The following PCDHGA4 variants were observed in gnomAD, a reference collection of about 807,000 sequenced individuals.
The protein encoded by PCDHGA4 is protocadherin gamma-A4.
Under a neutral mutation model 54.6 loss-of-function variants are expected in PCDHGA4, and 38 were observed. That is an observed-to-expected ratio of 0.70 (90% CI 0.54 to 0.91). The LOEUF (loss-of-function observed/expected upper bound fraction) is 0.91, where lower values mean the gene tolerates loss of function less well. Ranked by LOEUF, PCDHGA4 falls within the 40% of genes least tolerant of loss-of-function variation. The pLI is 0.00. For synonymous variants in PCDHGA4, 511 were observed against 512.9 expected, an observed-to-expected ratio of 1.00 and a Z score of 0.05; for missense variants, 1,298 against 1,220.9, an observed-to-expected ratio of 1.06 and a Z score of -0.94.
chr5:141,453,746 T>C (rs1345046460), intron 1 of PCDHGA4, among the ~76,000 whole-genome samples: 1 of 152,254 alleles, frequency 6.6e-6, no homozygotes, highest in Non-Finnish European at 1.5e-5. Flanking sequence ...TTAAATAACA[T>C]AAGTCTCCTA....
intron 3 of PCDHGA4, among the ~76,000 whole-genome samples, chr5:141,510,166 A>G (rs1280391099): frequency 6.6e-6 from 1 of 151,872 alleles, no homozygotes; most frequent in African/African-American, 2.4e-5. Flanking sequence ...TCAGCTACTC[A>G]GGAGGTTGAG....
chr5:141,455,401 A>G (rs1252870027), intron 1 of PCDHGA4, among the ~76,000 whole-genome samples: 1 of 152,158 alleles, frequency 6.6e-6, no homozygotes, highest in Non-Finnish European at 1.5e-5. Context: ...TCCCCCTTAC[A>G]GAGACAGAGG....
chr5:141,366,073 C>A (rs766163319), intron 1 of PCDHGA4: 1 of 1,614,234 alleles, frequency 6.2e-7, no homozygotes, highest in South Asian at 1.1e-5. Flanking sequence ...CGCCTCGCTC[C>A]GCAGAACCTG....
rs373882091 is a variant in PCDHGA4 at position 141,432,369 on chromosome 5, A to T, written c.2515-62438A>T. 1.2e-6 allele frequency: 2 copies of T among 1,614,104 alleles called. No homozygotes were observed. Among genetic ancestry groups the T allele is most frequent in the African/African-American group, 2.7e-5 (2 of 74,938 alleles). On this transcript the variant is annotated intron_variant, in intron 1 of 3. Transcript: ENST00000571252. The surrounding 1 kb of genome is among the most constrained non-coding windows in gnomAD (Gnocchi z 6.0). Reference sequence around the variant, plus strand: ...CAAGTGAAAGTGATGGCGCGGGACAACGGGCACCCGCCCCTCAGCAGCAAC... The same window carrying T: ...CAAGTGAAAGTGATGGCGCGGGACATCGGGCACCCGCCCCTCAGCAGCAAC...
chr5:141,394,643 G>T, intron 1 of PCDHGA4: 1 of 1,613,492 alleles, frequency 6.2e-7, no homozygotes, highest in Non-Finnish European at 8.5e-7. Flanking sequence ...GCCTGCTCAA[G>T]GCCAGCGAGC....
intron 1 of PCDHGA4, chr5:141,405,447 T>C (rs2094668355): frequency 7.5e-7 from 1 of 1,339,134 alleles, no homozygotes; most frequent in South Asian, 1.3e-5. Flanking sequence ...TGAGACAGAG[T>C]CTTACTCTGT....
chr5:141,356,448 A>G lies in PCDHGA4; in HGVS notation c.1341A>G (p.Ser447=). The G allele has an allele frequency of 6.2e-7, 1 of 1,612,888 alleles. No homozygotes were observed. The highest frequency in any genetic ancestry group is 8.5e-7 in the Non-Finnish European group (1 of 1,179,266). ...THRTLDREEV[S]EYNITVTATD... ...GAACACTGGACAGGGAAGAAGTCTC[A>G]GAATATAACATCACTGTAACTGCCA... The change falls in exon 1 of 4, where the codon TCA becomes TCG. Residue 447 remains serine (S), a synonymous_variant. Coordinates refer to ENST00000571252, the MANE Select transcript of PCDHGA4 (RefSeq NM_018917.4).
chr5:141,497,986 G>T (rs1404550601), intron 2 of PCDHGA4, among the ~76,000 whole-genome samples: 1 of 152,176 alleles, frequency 6.6e-6, no homozygotes, highest in Non-Finnish European at 1.5e-5. Context: ...GGAGGCCCCT[G>T]CCCTCAAGGA....
intron 2 of PCDHGA4, among the ~76,000 whole-genome samples, chr5:141,502,989 G>A (rs140974023): frequency 0.024 from 3,652 of 150,590 alleles, 56 homozygotes; most frequent in East Asian, 0.043. Context: ...GATTACAGGC[G>A]TGTGCCACCA....
chr5:141,417,969 T>G, intron 1 of PCDHGA4: 1 of 1,613,768 alleles, frequency 6.2e-7, no homozygotes, highest in Non-Finnish European at 8.5e-7. Flanking sequence ...CGCTACTCGA[T>G]TCCGGAGGAG....
At chr5:141,461,981 G>A (rs755173695) in intron 1 of PCDHGA4, among the ~76,000 whole-genome samples, 4 of 152,078 alleles carry the variant, frequency 2.6e-5, no homozygotes, top group Non-Finnish European at 5.9e-5. Context: ...ATGCCACCAC[G>A]CCAGGCTAAT....
At chr5:141,452,000 A>G (rs2098730428) in intron 1 of PCDHGA4, among the ~76,000 whole-genome samples, 1 of 152,198 alleles carries the variant, frequency 6.6e-6, no homozygotes, top group Admixed American at 6.5e-5. Flanking sequence ...AAGCAAAATC[A>G]CTTGGTCCAG....
Position 141,405,029 on chromosome 5 carries a change from C to G in PCDHGA4, c.2514+47408C>G, listed in dbSNP as rs565871444. 16 of 1,613,976 alleles carry G rather than the reference C, an allele frequency of 9.9e-6. No individual in the cohort carries two copies. The Admixed American group carries it at 1.0e-4, about 10-fold the overall frequency. On this transcript the variant is annotated intron_variant, in intron 1 of 3. Coordinates refer to ENST00000571252, the MANE Select transcript of PCDHGA4 (RefSeq NM_018917.4). ...GGAGGCCTCAGACCTTACCCTCTAC[C>G]TCGTTGTGGCTGTGGCAGTCGTCTC...
At chr5:141,414,334 AC>A (rs1187631098) in intron 1 of PCDHGA4, 2 of 1,613,782 alleles carry the variant, frequency 1.2e-6, no homozygotes, top group South Asian at 2.2e-5. Context: ...TGGACAGGTA[AC>A]CTGTTCCATT....
At chr5:141,434,830 C>A (rs7703679) in intron 1 of PCDHGA4, among the ~76,000 whole-genome samples, 45,467 of 151,546 alleles carry the variant, frequency 0.3, 8,050 homozygotes, top group African/African-American at 0.5. Flanking sequence ...GTACACTTGG[C>A]ATTTATAAAG....
chr5:141,421,125 C>G, intron 1 of PCDHGA4: 1 of 804,210 alleles, frequency 1.2e-6, no homozygotes, highest in Admixed American at 3.0e-5. Flanking sequence ...CCTTCGCTTT[C>G]TGATATATTT....
chr5:141,468,815 A>G (rs866523229), intron 1 of PCDHGA4, among the ~76,000 whole-genome samples: 7 of 151,958 alleles, frequency 4.6e-5, no homozygotes, highest in Middle Eastern at 3.4e-3. Context: ...GCAGTGAGCC[A>G]AGATCAAGCC....
Position 141,490,975 on chromosome 5 carries a change from C to T in PCDHGA4, c.2515-3832C>T. 1 of 1,614,056 alleles carries T rather than the reference C, an allele frequency of 6.2e-7. No individual in the cohort carries two copies. Among genetic ancestry groups the T allele is most frequent in the African/African-American group, 1.3e-5 (1 of 75,070 alleles). ...CTGGGAACACTCAGCCCCCCAGCGT[C>T]TCCCTCGCTCTGCTCCTCCTGGCTC... On this transcript the variant is annotated intron_variant, in intron 1 of 3. Coordinates refer to ENST00000571252, the MANE Select transcript of PCDHGA4 (RefSeq NM_018917.4). This position sits in a 1 kb window ranked among gnomAD's most constrained non-coding sequence, Gnocchi z 5.4.
intron 1 of PCDHGA4, among the ~76,000 whole-genome samples, chr5:141,445,902 T>C (rs1022574381): frequency 3.9e-5 from 6 of 152,186 alleles, no homozygotes; most frequent in Non-Finnish European, 8.8e-5. Context: ...TTAAAATATT[T>C]TAAACAAGGC....
Sources: allele counts gnomAD v4.1 joint callset (sites outside exome capture counted in the v4.1 genomes callset), GRCh38; gene constraint gnomAD v4.1.1; non-coding constraint Gnocchi (gnomAD v3.1); transcripts MANE v1.5; gene names NCBI Gene and HGNC (gene_info 2026-07-23, HGNC 2026-07-21).